CFAP263: variants seen among roughly 807,000 people sequenced by gnomAD.
The protein encoded by CFAP263 is cilia- and flagella-associated protein 263.
the CFAP263 span, chr16:58,258,264 A>G: frequency 5.4e-6 from 5 of 927,516 alleles, no homozygotes; most frequent in Non-Finnish European, 8.3e-6. Flanking sequence ...GAAGAAACAT[A>G]ATATTTTGGG....
the CFAP263 span, chr16:58,267,439 G>C: frequency 3.6e-6 from 5 of 1,379,044 alleles, no homozygotes; most frequent in Non-Finnish European, 5.2e-6. Context: ...GTTCTGAGAG[G>C]TCATCTTAGC....
the CFAP263 span, chr16:58,279,984 C>G: frequency 1.6e-6 from 1 of 620,518 alleles, no homozygotes; most frequent in East Asian, 2.7e-5. Context: ...GAAAGAACCA[C>G]AGGGCACTCT....
the CFAP263 span, among the ~76,000 whole-genome samples, chr16:58,265,527 G>A: frequency 6.6e-6 from 1 of 152,178 alleles, no homozygotes; most frequent in Admixed American, 6.5e-5. Flanking sequence ...CAGCTTCAAG[G>A]AAGTGCCTTC....
At chr16:58,265,242 A>C in the CFAP263 span, among the ~76,000 whole-genome samples, 1 of 152,220 alleles carries the variant, frequency 6.6e-6, no homozygotes, top group Non-Finnish European at 1.5e-5. Context: ...TGTTCTGTTC[A>C]ATGATTCGGT....
chr16:58,280,035 A>G, the CFAP263 span: 1 of 645,870 alleles, frequency 1.5e-6, no homozygotes, highest in East Asian at 2.7e-5. Context: ...GTTCACAAGC[A>G]TAGTGAAAGT....
chr16:58,278,141 G>A, the CFAP263 span, among the ~76,000 whole-genome samples: 3 of 151,890 alleles, frequency 2.0e-5, no homozygotes, highest in Non-Finnish European at 4.4e-5. Flanking sequence ...TCTGATCAAA[G>A]TATACTTAAA....
chr16:58,258,639 A>G, the CFAP263 span: 4 of 923,580 alleles, frequency 4.3e-6, no homozygotes, highest in South Asian at 4.9e-5. Flanking sequence ...TTGCCCACAT[A>G]TGCGGATTTT....
the CFAP263 span, chr16:58,260,009 C>T: frequency 1.1e-6 from 1 of 892,360 alleles, no homozygotes; most frequent in Non-Finnish European, 1.8e-6. Context: ...GTTCCCACCC[C>T]CACCCCAAAA....
At chr16:58,267,575 C>T in the CFAP263 span, 2 of 1,604,726 alleles carry the variant, frequency 1.2e-6, no homozygotes, top group Non-Finnish European at 1.7e-6. Context: ...AGAAACACTA[C>T]AAGTAGAGGA....
the CFAP263 span, among the ~76,000 whole-genome samples, chr16:58,274,014 T>C: frequency 6.6e-6 from 1 of 152,250 alleles, no homozygotes; most frequent in African/African-American, 2.4e-5. Flanking sequence ...ATCTTCCTAC[T>C]AAGCTTACAG....
At chr16:58,260,523 A>G in the CFAP263 span, among the ~76,000 whole-genome samples, 3 of 152,212 alleles carry the variant, frequency 2.0e-5, no homozygotes, top group Admixed American at 1.3e-4. Flanking sequence ...GTGAATTTAA[A>G]AGACCCTCAA....
At chr16:58,258,415 A>C in the CFAP263 span, 2 of 1,613,936 alleles carry the variant, frequency 1.2e-6, no homozygotes, top group African/African-American at 2.7e-5. Flanking sequence ...TTTCGAGAGA[A>C]GTGCATGAGT....
chr16:58,279,569 T>G, the CFAP263 span: 6 of 767,688 alleles, frequency 7.8e-6, no homozygotes, highest in South Asian at 1.1e-4. Context: ...CAGGGTTGCC[T>G]GCACCATCAC....
the CFAP263 span, chr16:58,267,403 A>G: frequency 9.9e-7 from 1 of 1,005,090 alleles, no homozygotes; most frequent in East Asian, 2.4e-5. Context: ...CTGTTCGTTA[A>G]CAAAGAGATG....
the CFAP263 span, among the ~76,000 whole-genome samples, chr16:58,268,017 A>G: frequency 6.9e-6 from 1 of 145,062 alleles, no homozygotes; most frequent in Non-Finnish European, 1.5e-5. Context: ...AGAGAGAGAA[A>G]GAGAGAGAGA....
the CFAP263 span, among the ~76,000 whole-genome samples, chr16:58,257,923 C>G: frequency 6.6e-6 from 1 of 151,850 alleles, no homozygotes; most frequent in Non-Finnish European, 1.5e-5. Context: ...GCTGGGCCAA[C>G]TTGGTGAAAC....
At chr16:58,250,127 C>G in the CFAP263 span, 4 of 1,543,192 alleles carry the variant, frequency 2.6e-6, no homozygotes, top group African/African-American at 5.5e-5. Context: ...TACCGCCGCC[C>G]GCGCCTGGGG....
chr16:58,279,308 G>T, the CFAP263 span, among the ~76,000 whole-genome samples: 1 of 152,146 alleles, frequency 6.6e-6, no homozygotes, highest in African/African-American at 2.4e-5. Context: ...TTCACATCTA[G>T]ACCCTGGCTC....
At chr16:58,252,398 C>T in the CFAP263 span, among the ~76,000 whole-genome samples, 3 of 151,512 alleles carry the variant, frequency 2.0e-5, no homozygotes, top group African/African-American at 7.3e-5. Flanking sequence ...CAGAAATAAT[C>T]TCCCACATGG....
Sources: gnomAD v4.1 joint callset for allele counts (sites outside exome capture counted in the v4.1 genomes callset) on GRCh38, gnomAD v4.1.1 for gene constraint, MANE v1.5 for transcripts, NCBI Gene and HGNC (gene_info 2026-07-23, HGNC 2026-07-21) for gene names.